GCFC2: variants seen among roughly 807,000 people sequenced by gnomAD.
GCFC2 encodes GC-rich sequence DNA-binding factor 2, also known as intron Large complex component GCFC2.
In GCFC2, 102 loss-of-function variants were observed where a neutral mutation model predicts 99.4. The observed-to-expected ratio is 1.03, with a 90% CI of 0.87 to 1.21. The LOEUF (loss-of-function observed/expected upper bound fraction) is 1.21. Among genes scored for constraint, GCFC2 ranks in the 50% most tolerant of loss-of-function variants. GCFC2 has a pLI of 0.00. For missense variants in GCFC2, 973 were observed against 920.9 expected (o/e 1.06, Z -0.73); for synonymous variants, 338 against 316.8 (o/e 1.07, Z -0.71).
intron 15 of GCFC2, among the ~76,000 whole-genome samples, chr2:75,668,056 A>G (rs1678928095): frequency 6.6e-6 from 1 of 152,192 alleles, no homozygotes; most frequent in Admixed American, 6.5e-5. Context: ...TTAAAGAGCT[A>G]GAGAAACTGG....
chr2:75,689,273 A>AGTAT (rs1326134366), intron 9 of GCFC2, 48 bp from the exon 10 acceptor site: 1 of 1,038,836 alleles, frequency 9.6e-7, no homozygotes, highest in Non-Finnish European at 1.5e-6. Context: ...GTGAACTTTA[A>AGTAT]GTATGCTTCC....
chr2:75,689,295 G>A, intron 9 of GCFC2, 70 bp from the exon 10 acceptor site: 1 of 797,490 alleles, frequency 1.3e-6, no homozygotes, highest in Non-Finnish European at 2.1e-6. Context: ...TAAAAACACG[G>A]TCATGATGGA....
intron 11 of GCFC2, 141 bp downstream of exon 11, chr2:75,687,686 A>T: frequency 1.5e-6 from 1 of 677,622 alleles, no homozygotes; most frequent in Non-Finnish European, 2.5e-6. Context: ...CTTACATTTG[A>T]CAGCTGTTGA....
At chr2:75,666,993 T>G (rs1678871292) in intron 15 of GCFC2, among the ~76,000 whole-genome samples, 1 of 152,162 alleles carries the variant, frequency 6.6e-6, no homozygotes, top group African/African-American at 2.4e-5. Context: ...GCATTCAATC[T>G]CTATCTCATC....
Position 75,710,722 on chromosome 2 carries a change from G to T in GCFC2, c.134C>A (p.Pro45Gln). Reference protein sequence around the residue: ...LPVPGSAEEEPPSGGGRAQVA... With the variant: ...LPVPGSAEEEQPSGGGRAQVA... Reference sequence around the variant, plus strand: ...CTGCGCGCGGCCTCCTCCAGAGGGCGGCTCTTCCTCCGCAGAACCCGGGAC... The same window carrying T: ...CTGCGCGCGGCCTCCTCCAGAGGGCTGCTCTTCCTCCGCAGAACCCGGGAC... The change falls in exon 1 of 17, where the codon CCG becomes CAG. Residue 45 changes from proline (P) to glutamine (Q), a missense_variant. Pro to Gln is a moderately conservative substitution (Grantham distance 76). Coordinates refer to ENST00000321027, the MANE Select transcript of GCFC2 (RefSeq NM_003203.5). 3 of 1,553,310 alleles carry T rather than the reference G, an allele frequency of 1.9e-6. No homozygotes were observed. Among genetic ancestry groups the T allele is most frequent in the South Asian group, 1.2e-5 (1 of 84,424 alleles).
In GCFC2 at chr2:75,664,197, AC is replaced by A; in HGVS notation, c.*468del. ...GTACAGATTTCTGAAGGATAATTTG[AC>A]AATCGGCACATGCCTTAATCATTTA... On this transcript the variant is annotated 3_prime_UTR_variant, in exon 17 of 17. Coordinates refer to ENST00000321027, the MANE Select transcript of GCFC2 (RefSeq NM_003203.5). 6.6e-6 allele frequency: 1 copy of A among 152,424 alleles called. No individual in the cohort carries two copies. Among genetic ancestry groups the A allele is most frequent in the East Asian group, 1.9e-4 (1 of 5,188 alleles). The allele number at this position is 152,424 out of a possible 1,614,324, so 9.4% of individuals were successfully genotyped here.
rs1415081033 is a variant in GCFC2 at position 75,694,405 on chromosome 2, G to C, written c.856C>G (p.His286Asp). 1 of 1,428,488 alleles carries C rather than the reference G, an allele frequency of 7.0e-7. No homozygotes were observed. The highest frequency in any genetic ancestry group is 9.4e-7 in the Non-Finnish European group (1 of 1,068,934). The allele number at this position is 1,428,488 out of a possible 1,614,324, so 88.5% of individuals were successfully genotyped here. A position where few individuals can be genotyped will look rare whatever the true frequency, so the allele number is the denominator to read the frequency against. ...NTRLTLLQET[H>D]RSHLREYEKY... ...TCATACTCCCTCAGGTGTGAGCGGT[G>C]AGTTTCCTGTAGTAATGTTAATCTA... The change falls in exon 6 of 17, where the codon CAC becomes GAC. Residue 286 changes from histidine (H) to aspartate (D), a missense_variant. His to Asp is a moderately conservative substitution (Grantham distance 81). Coordinates refer to ENST00000321027, the MANE Select transcript of GCFC2 (RefSeq NM_003203.5).
chr2:75,688,015 TC>T (rs781127127), intron 10 of GCFC2, 38 bp from the exon 11 acceptor site: 3 of 1,237,084 alleles, frequency 2.4e-6, no homozygotes, highest in Non-Finnish European at 3.4e-6. Context: ...AAGAAATCTT[TC>T]AACATTAGTG....
intron 15 of GCFC2, among the ~76,000 whole-genome samples, chr2:75,668,667 T>G (rs993251324): frequency 1.3e-5 from 2 of 152,228 alleles, no homozygotes; most frequent in Non-Finnish European, 2.9e-5. Context: ...TTTTATCTTA[T>G]GAGAAGACCA....
In GCFC2 at chr2:75,684,645, G is replaced by A. The variant is rs186671994; in HGVS notation, c.1690+3182C>T. On this transcript the variant is annotated intron_variant, in intron 11 of 16. Transcript: ENST00000321027. The stretch of plus-strand genomic sequence containing the variant: ...GTTCAACCATTGTGGAAGACAGTGT[G>A]GCGACTGCTCAAGGATCTAGAACTA... Among the ~76,000 whole-genome samples the A allele has an allele frequency of 1.7e-3, 257 of 152,312 alleles. 2 individuals are homozygous for A. Among genetic ancestry groups the A allele is most frequent in the African/African-American group, 5.1e-3 (212 of 41,560 alleles).
In GCFC2 at chr2:75,663,569, AAAAG is replaced by A. The variant is rs1292361125; in HGVS notation, c.*1093_*1096del. ...TGCTTCAAAAAACATCAACAAATTT[AAAAG>A]AAAGGCCAAACATGGTTGCTCAAGC... On this transcript the variant is annotated 3_prime_UTR_variant, in exon 17 of 17. Coordinates refer to ENST00000321027, the MANE Select transcript of GCFC2 (RefSeq NM_003203.5). 6.6e-6 allele frequency: 1 copy of A among 152,142 alleles called. No homozygotes were observed. Among genetic ancestry groups the A allele is most frequent in the Non-Finnish European group, 1.5e-5 (1 of 68,012 alleles). 9.4% of individuals were successfully genotyped at this position (152,142 alleles called of 1,614,324 possible).
chr2:75,668,423 C>G (rs1201825768), intron 15 of GCFC2, among the ~76,000 whole-genome samples: 1 of 152,124 alleles, frequency 6.6e-6, no homozygotes, highest in Non-Finnish European at 1.5e-5. Flanking sequence ...CAACCTTTTC[C>G]CTGTAACTGG....
intron 8 of GCFC2, 42 bp downstream of exon 8, chr2:75,690,596 G>T: frequency 1.1e-6 from 1 of 875,634 alleles, no homozygotes; most frequent in Non-Finnish European, 1.9e-6. Context: ...AAAAGTACTT[G>T]CTCAATGATG....
At chr2:75,674,213 CT>C (rs1679245161) in intron 12 of GCFC2, among the ~76,000 whole-genome samples, 1 of 152,076 alleles carries the variant, frequency 6.6e-6, no homozygotes, top group Non-Finnish European at 1.5e-5. Context: ...TAGGTTCTGT[CT>C]TTTTATTACT....
intron 10 of GCFC2, among the ~76,000 whole-genome samples, 180 bp from the exon 11 acceptor site, chr2:75,688,157 T>C (rs1051695171): frequency 3.9e-5 from 6 of 152,202 alleles, no homozygotes; most frequent in Non-Finnish European, 7.3e-5. Flanking sequence ...GACTGAGACA[T>C]GGTGTCTAAG....
intron 12 of GCFC2, among the ~76,000 whole-genome samples, chr2:75,678,262 A>G (rs979110544): frequency 2.6e-5 from 4 of 152,246 alleles, no homozygotes; most frequent in Admixed American, 1.3e-4. Flanking sequence ...GCAGGATTAT[A>G]TATCTGCTTC....
chr2:75,665,150 G>T (rs899186376), intron 16 of GCFC2, among the ~76,000 whole-genome samples: 1 of 151,418 alleles, frequency 6.6e-6, no homozygotes, highest in Non-Finnish European at 1.5e-5. Flanking sequence ...ATACAAATCT[G>T]ATTTTTTTTT....
intron 2 of GCFC2, among the ~76,000 whole-genome samples, chr2:75,705,322 G>A (rs1278984892): frequency 2.0e-5 from 3 of 152,016 alleles, no homozygotes; most frequent in African/African-American, 2.4e-5. Flanking sequence ...TATTTAATAG[G>A]CTAATAAAGA....
chr2:75,690,086 A>G lies in GCFC2; in HGVS notation c.1227-5T>C. On this transcript the variant is annotated splice_region_variant and splice_polypyrimidine_tract_variant and intron_variant, in intron 8 of 16. Coordinates refer to ENST00000321027, the MANE Select transcript of GCFC2 (RefSeq NM_003203.5). ...CTTGCTTGTCTTCTTTTTGTCCTAT[A>G]TTTTGCAACAAACCAAAAATAAACA... The G allele has an allele frequency of 1.3e-6, 2 of 1,551,416 alleles. No individual in the cohort carries two copies. The highest frequency in any genetic ancestry group is 8.8e-7 in the Non-Finnish European group (1 of 1,135,796).
Sources: gnomAD v4.1 joint callset for allele counts (sites outside exome capture counted in the v4.1 genomes callset) on GRCh38, gnomAD v4.1.1 for gene constraint, MANE v1.5 for transcripts, NCBI Gene and HGNC (gene_info 2026-07-23, HGNC 2026-07-21) for gene names.